Variants in FBXL7 observed in about 807,000 individuals in gnomAD.
The protein encoded by FBXL7 is F-box/LRR-repeat protein 7.
FBXL7 carries 12 observed loss-of-function variants against 38.3 expected under a neutral mutation model. The ratio of observed to expected loss-of-function variants is 0.31; its 90% CI spans 0.20 to 0.51. The LOEUF is 0.51. FBXL7 is among the 20% of genes least tolerant of loss of function. The pLI, the probability that FBXL7 is intolerant of heterozygous loss-of-function variation, is 0.98. For synonymous variants in FBXL7, 297 were observed against 300.9 expected, an observed-to-expected ratio of 0.99 and a Z score of 0.13; for missense variants, 567 against 676.4, an observed-to-expected ratio of 0.84 and a Z score of 1.79.
chr5:15,581,100 T>C (rs1580383650), intron 1 of FBXL7, among the ~76,000 whole-genome samples: 1 of 152,126 alleles, frequency 6.6e-6, no homozygotes. Flanking sequence ...TTTGAACAGT[T>C]CACAAAAGTC....
intron 2 of FBXL7, among the ~76,000 whole-genome samples, chr5:15,632,334 A>G (rs1024573966): frequency 1.3e-5 from 2 of 152,180 alleles, no homozygotes; most frequent in Non-Finnish European, 2.9e-5. Flanking sequence ...TTATAACAAA[A>G]AGACATTGCT....
chr5:15,757,977 A>C (rs1258557277), intron 2 of FBXL7, among the ~76,000 whole-genome samples: 1 of 152,016 alleles, frequency 6.6e-6, no homozygotes, highest in African/African-American at 2.4e-5. Context: ...CTCCTGTTAC[A>C]TTCTCTTTGT....
chr5:15,589,884 A>G (rs1015408533), intron 1 of FBXL7, among the ~76,000 whole-genome samples: 2 of 152,190 alleles, frequency 1.3e-5, no homozygotes, highest in African/African-American at 4.8e-5. Context: ...CTATGGGTCC[A>G]CATGCTTCAG....
chr5:15,743,461 G>T (rs539123925), intron 2 of FBXL7, among the ~76,000 whole-genome samples: 1 of 152,316 alleles, frequency 6.6e-6, no homozygotes, highest in African/African-American at 2.4e-5. Context: ...CTCATATCCA[G>T]GGTGTGCTGA....
intron 2 of FBXL7, among the ~76,000 whole-genome samples, chr5:15,771,652 A>G (rs541091498): frequency 8.5e-5 from 13 of 152,200 alleles, no homozygotes; most frequent in African/African-American, 3.1e-4. Context: ...TGTAGGTATT[A>G]CTGAGGTACA....
At chr5:15,641,678 G>A (rs935611229) in intron 2 of FBXL7, among the ~76,000 whole-genome samples, 2 of 152,144 alleles carry the variant, frequency 1.3e-5, no homozygotes, top group African/African-American at 2.4e-5. Flanking sequence ...CAGTGTGGGC[G>A]AGTCTCATCC....
intron 1 of FBXL7, among the ~76,000 whole-genome samples, chr5:15,570,471 T>G (rs897300993): frequency 6.6e-6 from 1 of 152,240 alleles, no homozygotes; most frequent in Non-Finnish European, 1.5e-5. Flanking sequence ...TCTATTTGAT[T>G]CTTCTCTCTT....
At chr5:15,761,166 G>A (rs1303807687) in intron 2 of FBXL7, among the ~76,000 whole-genome samples, 2 of 152,204 alleles carry the variant, frequency 1.3e-5, no homozygotes, top group Admixed American at 6.5e-5. Flanking sequence ...GACATGAGAG[G>A]CAGTCTGTTC....
chr5:15,923,909 G>A (rs750842077), intron 2 of FBXL7, among the ~76,000 whole-genome samples: 1 of 152,016 alleles, frequency 6.6e-6, no homozygotes, highest in African/African-American at 2.4e-5. Context: ...CCTCTAGGCA[G>A]GTAGTGTCTT....
chr5:15,700,790 T>C (rs1743496287), intron 2 of FBXL7, among the ~76,000 whole-genome samples: 1 of 152,240 alleles, frequency 6.6e-6, no homozygotes, highest in Admixed American at 6.5e-5. Context: ...GTTACAATTA[T>C]GTTCCAATGG....
chr5:15,511,214 T>C (rs1340534903), intron 1 of FBXL7, among the ~76,000 whole-genome samples: 3 of 152,236 alleles, frequency 2.0e-5, no homozygotes, highest in Non-Finnish European at 2.9e-5. Context: ...AAAAATTAAC[T>C]GCTCATTAGG....
intron 2 of FBXL7, among the ~76,000 whole-genome samples, chr5:15,798,985 C>T (rs1056787057): frequency 6.6e-6 from 1 of 152,198 alleles, no homozygotes; most frequent in Admixed American, 6.5e-5. Flanking sequence ...ACACAGCCCC[C>T]TTTGCAGGAG....
intron 1 of FBXL7, among the ~76,000 whole-genome samples, chr5:15,567,498 T>G (rs1231610429): frequency 6.6e-6 from 1 of 152,114 alleles, no homozygotes; most frequent in Non-Finnish European, 1.5e-5. Context: ...GGTGTCTGCT[T>G]GCACATCAGC....
chr5:15,915,905 A>G (rs527702671), intron 2 of FBXL7, among the ~76,000 whole-genome samples: 3 of 152,320 alleles, frequency 2.0e-5, no homozygotes, highest in East Asian at 3.9e-4. Flanking sequence ...CGTGAAATCC[A>G]TAGCCAGTCA....
At chr5:15,764,249 G>A (rs538604956) in intron 2 of FBXL7, among the ~76,000 whole-genome samples, 23 of 152,206 alleles carry the variant, frequency 1.5e-4, no homozygotes, top group Non-Finnish European at 2.6e-4. Context: ...TAGATCAGAA[G>A]CAGGACAACG....
At chr5:15,903,390 T>A (rs573922499) in intron 2 of FBXL7, among the ~76,000 whole-genome samples, 1 of 152,298 alleles carries the variant, frequency 6.6e-6, no homozygotes, top group East Asian at 1.9e-4. Context: ...CCCTCTGCAT[T>A]GACATGGTTT....
At chr5:15,893,084 C>T (rs1430776230) in intron 2 of FBXL7, among the ~76,000 whole-genome samples, 3 of 151,266 alleles carry the variant, frequency 2.0e-5, no homozygotes, top group Admixed American at 6.6e-5. Flanking sequence ...CCACTGCACT[C>T]CAGCCTGGGT....
chr5:15,760,679 G>A (rs1182143591), intron 2 of FBXL7, among the ~76,000 whole-genome samples: 1 of 152,148 alleles, frequency 6.6e-6, no homozygotes, highest in South Asian at 2.1e-4. Context: ...ATCCCCTGGA[G>A]TCATGGGTTA....
chr5:15,561,409 G>A (rs1738412996), intron 1 of FBXL7, among the ~76,000 whole-genome samples: 2 of 152,004 alleles, frequency 1.3e-5, no homozygotes, highest in African/African-American at 2.4e-5. Flanking sequence ...CTTTTTTAAG[G>A]CTGAATCGTA....
Sources: allele counts gnomAD v4.1 joint callset (sites outside exome capture counted in the v4.1 genomes callset), GRCh38; gene constraint gnomAD v4.1.1; transcripts MANE v1.5; gene names NCBI Gene and HGNC (gene_info 2026-07-23, HGNC 2026-07-21).